Variants in NTMT1 observed in about 807,000 individuals in gnomAD.
NTMT1 encodes the protein N-terminal Xaa-Pro-Lys N-methyltransferase 1.
NTMT1 carries 8 observed loss-of-function variants against 17.5 expected under a neutral mutation model. That is an observed-to-expected ratio of 0.46 (90% CI 0.27 to 0.82). NTMT1 has a LOEUF of 0.82. Ranked by LOEUF, NTMT1 falls within the 40% of genes least tolerant of loss-of-function variation. The pLI is 0.15. For missense variants in NTMT1, 221 were observed against 303.5 expected (o/e 0.73, Z 2.02); for synonymous variants, 128 against 126.8 (o/e 1.01, Z -0.06).
At chr9:129,625,186 C>A (rs1830849341), upstream of NTMT1, among the ~76,000 whole-genome samples, 1 of 152,214 alleles carries the variant, frequency 6.6e-6, no homozygotes, top group South Asian at 2.1e-4. Context: ...TCCATCACCG[C>A]TGCCTCGGAG....
chr9:129,610,307 C>CCA (rs1410870266), intron 1 of NTMT1, among the ~76,000 whole-genome samples: 1 of 149,384 alleles, frequency 6.7e-6, no homozygotes, highest in East Asian at 2.0e-4. Flanking sequence ...CCCGCCCCCC[C>CCA]CCCACCGGCG....
At chr9:129,616,150 C>G (rs532141245) in intron 1 of NTMT1, among the ~76,000 whole-genome samples, 2 of 152,260 alleles carry the variant, frequency 1.3e-5, no homozygotes, top group South Asian at 4.1e-4. Context: ...GGAAATGGGC[C>G]GTACAAGCAT....
intron 1 of NTMT1, chr9:129,615,337 C>T: frequency 2.3e-6 from 2 of 867,780 alleles, no homozygotes; most frequent in Non-Finnish European, 3.3e-6. Context: ...TCCAAGGAGG[C>T]CAGTTCAGGC....
rs527325025 is a variant in NTMT1, at chr9:129,632,203, C to T, written c.-54-447C>T. On this transcript the variant is annotated intron_variant, in intron 1 of 3. Coordinates refer to ENST00000372483, the MANE Select transcript of NTMT1 (RefSeq NM_014064.4). ...TGGGCTCACACCCGTAATCCCAGCACTTTGGGAGGCCAAGGTGGGAGAATC... is the reference window on the plus strand; with the variant it reads ...TGGGCTCACACCCGTAATCCCAGCATTTTGGGAGGCCAAGGTGGGAGAATC... Among the ~76,000 whole-genome samples, 84 of 152,314 alleles carry T rather than the reference C, an allele frequency of 5.5e-4. 1 individual carries two copies. Among genetic ancestry groups the T allele is most frequent in the Admixed American group, 3.9e-3 (60 of 15,296 alleles).
In NTMT1 at chr9:129,612,355, T is replaced by C. The variant is rs142045019; in HGVS notation, c.-55+3177T>C. The C allele has an allele frequency of 2.5e-5, 41 of 1,613,600 alleles. 1 individual carries two copies. In the African/African-American group the frequency reaches 5.1e-4, roughly 20 times the overall value. On this transcript the variant is annotated intron_variant, in intron 1 of 3. Coordinates refer to the NTMT1 transcript ENST00000372486. ...CTTGGGTTCGCGAGTGTTCACCTCT[T>C]ATCTGGCTGCAGTGTTGCGGAGGCC... is the stretch of plus-strand genomic sequence containing the variant.
intron 1 of NTMT1, chr9:129,619,552 G>C (rs767600309): frequency 6.2e-7 from 1 of 1,614,092 alleles, no homozygotes. Context: ...TGAATTGTGA[G>C]TGATCACCCT....
chr9:129,623,395 A>G (rs1830798860), upstream of NTMT1, among the ~76,000 whole-genome samples: 1 of 151,774 alleles, frequency 6.6e-6, no homozygotes, highest in Admixed American at 6.6e-5. Flanking sequence ...ACCCACTTTC[A>G]AGTCCATGGT....
At chr9:129,629,231 A>G (rs1195858330) in intron 1 of NTMT1, among the ~76,000 whole-genome samples, 1 of 152,176 alleles carries the variant, frequency 6.6e-6, no homozygotes, top group African/African-American at 2.4e-5. Flanking sequence ...GCAGAGGGGC[A>G]GGCAGCCCAC....
intron 1 of NTMT1, chr9:129,615,571 A>G: frequency 6.2e-7 from 1 of 1,609,302 alleles, no homozygotes; most frequent in South Asian, 1.1e-5. Context: ...CGCTGCCTGC[A>G]GGGCCTAGAG....
chr9:129,635,233 C>T lies in NTMT1; in HGVS notation c.441C>T (p.Ala147=), dbSNP rs754452035. 2.2e-5 allele frequency: 35 copies of T among 1,611,456 alleles called. No homozygotes were observed. The highest frequency in any genetic ancestry group is 5.0e-5 in the Admixed American group (3 of 60,004). ...VIGHLTDQHL[A]EFLRRCKGSL... is the part of the protein sequence containing the mutation. ...GCCACCTCACCGATCAGCACCTGGC[C>T]GAGTTCCTGCGGCGCTGCAAGGGCA... Residue 147 remains alanine (A), a synonymous_variant, in exon 4 of 4, where the codon GCC becomes GCT. Transcript: ENST00000372483.
chr9:129,610,196 GA>G (rs1288422811), intron 1 of NTMT1, among the ~76,000 whole-genome samples: 2 of 126,400 alleles, frequency 1.6e-5, no homozygotes, highest in Admixed American at 7.5e-5. Context: ...GAGGGGGGAG[GA>G]GGGGGGGAGG....
rs779451305 is a variant in NTMT1 at position 129,635,304 on chromosome 9, A to AGGAGGGCGTGATTCT, written c.516_530dup (p.Glu172_Leu176dup). The AGGAGGGCGTGATTCT allele has an allele frequency of 6.2e-7, 1 of 1,613,840 alleles. No homozygotes were observed. The highest frequency in any genetic ancestry group is 8.5e-7 in the Non-Finnish European group (1 of 1,180,036). On this transcript the variant is annotated inframe_insertion, in exon 4 of 4. Coordinates refer to ENST00000372483, the MANE Select transcript of NTMT1 (RefSeq NM_014064.4). Reference sequence around the variant, plus strand: ...ATCGTCATCAAAGACAACATGGCCCAGGAGGGCGTGATTCTGGACGACGTG... The same window carrying AGGAGGGCGTGATTCT: ...ATCGTCATCAAAGACAACATGGCCCAGGAGGGCGTGATTCTGGAGGGCGTGATTCTGGACGACGTG...
At chr9:129,615,279 C>T (rs1460957986) in intron 1 of NTMT1, among the ~76,000 whole-genome samples, 1 of 152,210 alleles carries the variant, frequency 6.6e-6, no homozygotes, top group Non-Finnish European at 1.5e-5. Flanking sequence ...AACACCTCCA[C>T]TGGACTCTGG....
At chr9:129,628,165 AG>A in intron 1 of NTMT1, among the ~76,000 whole-genome samples, 1 of 152,350 alleles carries the variant, frequency 6.6e-6, no homozygotes, top group Non-Finnish European at 1.5e-5. Flanking sequence ...AGAGTGTAGC[AG>A]GACCACCTGC....
In NTMT1 at chr9:129,613,604, G is replaced by C. The variant is rs1432019632; in HGVS notation, c.-55+4426G>C. The C allele has an allele frequency of 6.2e-7, 1 of 1,614,080 alleles. No homozygotes were observed. The highest frequency in any genetic ancestry group is 1.3e-5 in the African/African-American group (1 of 75,056). ...ACAATGACGCTCTGTTGGACTGCAGGAAAGAGGGCAGGGTGAGATCTCTGC... is the reference window on the plus strand; with the variant it reads ...ACAATGACGCTCTGTTGGACTGCAGCAAAGAGGGCAGGGTGAGATCTCTGC... On this transcript the variant is annotated intron_variant, in intron 1 of 3. Transcript: ENST00000372486. The surrounding 1 kb of genome is among the most constrained non-coding windows in gnomAD (Gnocchi z 6.2).
chr9:129,633,166 C>T, intron 2 of NTMT1: 1 of 469,476 alleles, frequency 2.1e-6, no homozygotes, highest in Non-Finnish European at 3.7e-6. Flanking sequence ...TGCTCTCCTG[C>T]CATGTCCACG....
At position 129,620,700 on chromosome 9, in the gene NTMT1, G is replaced by T; in HGVS notation, c.-55+11522G>T. ...CGGGCGGGGCAGCGCGGTGCGGGGT[G>T]AACGCCACCGGCCCGGCGGACAGCG... is the stretch of plus-strand genomic sequence containing the variant. On this transcript the variant is annotated intron_variant, in intron 1 of 3. Coordinates refer to the NTMT1 transcript ENST00000372486. The surrounding 1 kb of genome is among the most constrained non-coding windows in gnomAD (Gnocchi z 5.8). 1 of 850,704 alleles carries T rather than the reference G, an allele frequency of 1.2e-6. No homozygotes were observed. The highest frequency in any genetic ancestry group is 1.6e-6 in the Non-Finnish European group (1 of 640,816). The allele number at this position is 850,704 out of a possible 1,614,324, so 52.7% of individuals were successfully genotyped here.
intron 1 of NTMT1, among the ~76,000 whole-genome samples, chr9:129,631,088 C>T (rs1043451287): frequency 6.6e-6 from 1 of 152,232 alleles, no homozygotes; most frequent in Non-Finnish European, 1.5e-5. Flanking sequence ...TGCTGTCCCA[C>T]GGCTGCTCCC....
At chr9:129,622,259 G>T (rs550090357), upstream of NTMT1, among the ~76,000 whole-genome samples, 1 of 152,136 alleles carries the variant, frequency 6.6e-6, no homozygotes, top group Non-Finnish European at 1.5e-5. Context: ...TTGGGAGGCC[G>T]AGGCGGGCGG....
Sources: allele counts gnomAD v4.1 joint callset (sites outside exome capture counted in the v4.1 genomes callset), GRCh38; gene constraint gnomAD v4.1.1; non-coding constraint Gnocchi (gnomAD v3.1); transcripts MANE v1.5; gene names NCBI Gene and HGNC (gene_info 2026-07-23, HGNC 2026-07-21).